Variants in DOK5 observed in about 807,000 individuals in gnomAD.
DOK5 encodes the protein downstream of tyrosine kinase 5.
A neutral mutation model predicts 43.3 loss-of-function variants in DOK5; 27 were observed. The observed-to-expected ratio is 0.62, with a 90% CI of 0.46 to 0.86. DOK5 has a LOEUF of 0.86. Among genes scored for constraint, DOK5 ranks in the 40% least tolerant of loss-of-function variants. DOK5 has a pLI of 0.00. For missense variants in DOK5, 373 were observed against 392.9 expected, an observed-to-expected ratio of 0.95 and a Z score of 0.43; for synonymous variants, 146 against 140.1, an observed-to-expected ratio of 1.04 and a Z score of -0.30.
chr20:54,623,078 A>G (rs1351372555), intron 6 of DOK5, among the ~76,000 whole-genome samples: 1 of 152,304 alleles, frequency 6.6e-6, no homozygotes. Context: ...GTATGTGAGC[A>G]AGCAAATTGG....
At chr20:54,527,663 G>T (rs1023888307) in intron 1 of DOK5, among the ~76,000 whole-genome samples, 3 of 152,168 alleles carry the variant, frequency 2.0e-5, no homozygotes, top group African/African-American at 7.2e-5. Flanking sequence ...ATGGATTTGA[G>T]AAAGAAAGAA....
At chr20:54,538,028 G>A (rs746341379) in intron 1 of DOK5, among the ~76,000 whole-genome samples, 11 of 151,386 alleles carry the variant, frequency 7.3e-5, no homozygotes, top group East Asian at 3.9e-4. Flanking sequence ...TAGTAGAGAC[G>A]GGGTTTCACC....
At chr20:54,649,260 A>G (rs1979586864) in intron 7 of DOK5, among the ~76,000 whole-genome samples, 1 of 152,106 alleles carries the variant, frequency 6.6e-6, no homozygotes, top group Admixed American at 6.5e-5. Flanking sequence ...CCTCCCTACA[A>G]AAAATCCAAG....
At chr20:54,631,578 G>A (rs1040962587) in intron 6 of DOK5, among the ~76,000 whole-genome samples, 6 of 152,040 alleles carry the variant, frequency 3.9e-5, no homozygotes, top group African/African-American at 1.4e-4. Flanking sequence ...TCTGGGTAAT[G>A]GATACGGGTT....
intron 6 of DOK5, among the ~76,000 whole-genome samples, chr20:54,625,295 G>A (rs189321297): frequency 1.1e-3 from 173 of 152,284 alleles, no homozygotes; most frequent in African/African-American, 4.1e-3. Flanking sequence ...CTTGAAAGAA[G>A]GCCCCTGGGA....
At chr20:54,485,114 A>G (rs1981877618) in intron 1 of DOK5, among the ~76,000 whole-genome samples, 1 of 152,178 alleles carries the variant, frequency 6.6e-6, no homozygotes, top group South Asian at 2.1e-4. Flanking sequence ...GGCAGATCAC[A>G]AGGTCGGGAG....
intron 5 of DOK5, among the ~76,000 whole-genome samples, chr20:54,600,219 G>A (rs1755107005): frequency 6.6e-6 from 1 of 152,156 alleles, no homozygotes; most frequent in Non-Finnish European, 1.5e-5. Flanking sequence ...GACACAGGTG[G>A]AGATGCAGCG....
At chr20:54,638,725 C>T (rs1360663660) in intron 6 of DOK5, among the ~76,000 whole-genome samples, 1 of 150,202 alleles carries the variant, frequency 6.7e-6, no homozygotes, top group South Asian at 2.1e-4. Context: ...ACAGTTTGTT[C>T]CACCATAACA....
intron 1 of DOK5, among the ~76,000 whole-genome samples, chr20:54,538,725 C>T (rs547445040): frequency 1.3e-5 from 2 of 151,990 alleles, no homozygotes; most frequent in East Asian, 1.9e-4. Context: ...AAAGTTTATC[C>T]CAGAGAAATA....
chr20:54,601,349 C>T (rs1986292235), intron 5 of DOK5, among the ~76,000 whole-genome samples: 1 of 152,152 alleles, frequency 6.6e-6, no homozygotes, highest in African/African-American at 2.4e-5. Flanking sequence ...ACTGCTATTG[C>T]AGGAAGAATG....
chr20:54,560,501 C>A lies in DOK5; in HGVS notation c.174+5461C>A, dbSNP rs565235146. Among the ~76,000 whole-genome samples the A allele has an allele frequency of 2.6e-5, 4 of 152,236 alleles. No homozygotes were observed. The South Asian group carries it at 8.3e-4, about 32-fold the overall frequency. ...AGAGGTTGACTGTAGTACAAAACAC[C>A]CTATTTTTCCAATTTAAGTACTTTT... On this transcript the variant is annotated intron_variant, in intron 2 of 7. Coordinates refer to ENST00000262593, the MANE Select transcript of DOK5 (RefSeq NM_018431.5).
Position 54,582,465 on chromosome 20 carries a change from C to A in DOK5, c.175-6018C>A, listed in dbSNP as rs1985674837. ...TCTTCTTTAAATGTTTTGTGGAATA[C>A]ACCAACATTTCTTCCAACAAAGAAA... On this transcript the variant is annotated intron_variant, in intron 2 of 7. Transcript: ENST00000262593. Among the ~76,000 whole-genome samples, 3 of 151,432 alleles carry A rather than the reference C, an allele frequency of 2.0e-5. No homozygotes were observed. In the South Asian group the frequency reaches 6.3e-4, roughly 32 times the overall value.
At chr20:54,597,480 T>G (rs569129053) in intron 5 of DOK5, among the ~76,000 whole-genome samples, 2 of 152,330 alleles carry the variant, frequency 1.3e-5, no homozygotes, top group African/African-American at 4.8e-5. Context: ...GAGCCCTTAC[T>G]ATATGAAAGC....
At chr20:54,601,020 C>T (rs1221093599) in intron 5 of DOK5, among the ~76,000 whole-genome samples, 2 of 152,086 alleles carry the variant, frequency 1.3e-5, no homozygotes, top group African/African-American at 4.8e-5. Flanking sequence ...TGAATATGGT[C>T]TTAAGTCTTG....
intron 5 of DOK5, among the ~76,000 whole-genome samples, chr20:54,603,378 A>G (rs745913113): frequency 1.3e-5 from 2 of 152,240 alleles, no homozygotes; most frequent in Non-Finnish European, 2.9e-5. Flanking sequence ...ACCAGGCAGC[A>G]ATGCCAGTGA....
At chr20:54,476,146 C>G (rs1981415446) in intron 1 of DOK5, 134 bp downstream of exon 1, 2 of 1,529,428 alleles carry the variant, frequency 1.3e-6, no homozygotes, top group Non-Finnish European at 1.8e-6. Context: ...TCAGCCGAAA[C>G]CCGCGTCTCC....
At chr20:54,648,126 G>A (rs1212348817) in intron 7 of DOK5, among the ~76,000 whole-genome samples, 1 of 152,104 alleles carries the variant, frequency 6.6e-6, no homozygotes, top group African/African-American at 2.4e-5. Context: ...TTATTAATGG[G>A]TCCAAGACTA....
intron 1 of DOK5, among the ~76,000 whole-genome samples, chr20:54,501,274 T>C (rs1479633923): frequency 2.0e-5 from 3 of 151,768 alleles, no homozygotes; most frequent in East Asian, 1.9e-4. Flanking sequence ...GAGACTATCC[T>C]GGCTAACACG....
At chr20:54,500,557 A>AT (rs545357915) in intron 1 of DOK5, among the ~76,000 whole-genome samples, 1,230 of 115,420 alleles carry the variant, frequency 0.011, 10 homozygotes, top group Non-Finnish European at 0.013. Flanking sequence ...TACCCAGTGT[A>AT]TTTTTTTTTT....
Sources: gnomAD v4.1 joint callset for allele counts (sites outside exome capture counted in the v4.1 genomes callset) on GRCh38, gnomAD v4.1.1 for gene constraint, MANE v1.5 for transcripts, NCBI Gene and HGNC (gene_info 2026-07-23, HGNC 2026-07-21) for gene names.